Variants in TMEM184B observed in about 807,000 individuals in gnomAD.
TMEM184B encodes transmembrane protein 184B.
Under a neutral mutation model 41.8 loss-of-function variants are expected in TMEM184B, and 17 were observed. The ratio of observed to expected loss-of-function variants is 0.41; its 90% CI spans 0.28 to 0.61. The LOEUF is 0.61. TMEM184B is among the 20% of genes least tolerant of loss of function. TMEM184B has a pLI of 0.34. For missense variants in TMEM184B, 393 were observed against 557.8 expected (o/e 0.70, Z 2.98); for synonymous variants, 240 against 229.5 (o/e 1.05, Z -0.41).
At chr22:38,231,720 T>C (rs538948898) in intron 3 of TMEM184B, 27 of 378,302 alleles carry the variant, frequency 7.1e-5, no homozygotes, top group Non-Finnish European at 1.2e-4. Context: ...TATTAGTTTT[T>C]CCGGGCGCAG....
chr22:38,224,668 G>C (rs1218670186), intron 8 of TMEM184B, 117 bp downstream of exon 8: 1 of 1,035,356 alleles, frequency 9.7e-7, no homozygotes, highest in African/African-American at 1.6e-5. Context: ...ATATAGAGTG[G>C]GGATCCCATG....
intron 5 of TMEM184B, among the ~76,000 whole-genome samples, chr22:38,228,462 T>C (rs1305032692): frequency 6.6e-6 from 1 of 152,166 alleles, no homozygotes; most frequent in Non-Finnish European, 1.5e-5. Context: ...AATCATCACC[T>C]GACCATACCC....
chr22:38,255,046 C>T (rs1035095247), intron 1 of TMEM184B, among the ~76,000 whole-genome samples: 3 of 151,546 alleles, frequency 2.0e-5, no homozygotes, highest in Non-Finnish European at 2.9e-5. Context: ...TTTTTTGAGA[C>T]GGAGTCTCAC....
At chr22:38,270,531 A>T (rs1469649524) in intron 1 of TMEM184B, among the ~76,000 whole-genome samples, 1 of 152,160 alleles carries the variant, frequency 6.6e-6, no homozygotes, top group Non-Finnish European at 1.5e-5. Flanking sequence ...TATTTGTTAC[A>T]CATTGGGCTC....
chr22:38,221,754 G>A (rs369667031), intron 8 of TMEM184B, 44 bp from the exon 9 acceptor site: 236 of 1,601,396 alleles, frequency 1.5e-4, no homozygotes, highest in Middle Eastern at 1.9e-4. Flanking sequence ...AGGCTGGGAC[G>A]GTGAGAGGGA....
At chr22:38,238,555 C>G (rs1386108106) in intron 3 of TMEM184B, among the ~76,000 whole-genome samples, 1 of 152,238 alleles carries the variant, frequency 6.6e-6, no homozygotes, top group African/African-American at 2.4e-5. Context: ...TTGGCTCTAT[C>G]TGCAAGAGCC....
rs573429469 is a variant in TMEM184B, at chr22:38,226,769, C to G, written c.617+10G>C. The G allele has an allele frequency of 3.1e-6, 5 of 1,589,092 alleles. No homozygotes were observed. The South Asian group carries it at 5.7e-5, about 18-fold the overall frequency. Reference sequence around the variant, plus strand: ...CCTCCCACACACCCCGGGGAGCACCCGCTGCTTACTCAAAGTCCCCATCCC... The same window carrying G: ...CCTCCCACACACCCCGGGGAGCACCGGCTGCTTACTCAAAGTCCCCATCCC... On this transcript the variant is annotated intron_variant, in intron 6 of 8. Coordinates refer to ENST00000361906, the MANE Select transcript of TMEM184B (RefSeq NM_012264.5). The surrounding 1 kb of genome is among the most constrained non-coding windows in gnomAD (Gnocchi z 4.6).
Position 38,226,723 on chromosome 22 carries a change from G to A in TMEM184B, c.617+56C>T, listed in dbSNP as rs1445528563. On this transcript the variant is annotated intron_variant, in intron 6 of 8. Transcript: ENST00000361906. This position sits in a 1 kb window ranked among gnomAD's most constrained non-coding sequence, Gnocchi z 4.6. ...TGGCTGCCCCCTTCCCTGAGCCAAG[G>A]CACCAGCCTGCGCCAACACTCCTCC... The A allele has an allele frequency of 6.6e-7, 1 of 1,523,888 alleles. No individual in the cohort carries two copies. The allele number at this position is 1,523,888 out of a possible 1,614,324, so 94.4% of individuals were successfully genotyped here. A position where few individuals can be genotyped will look rare whatever the true frequency, so the allele number is the denominator to read the frequency against.
At chr22:38,229,242 G>A (rs2091540390) in intron 5 of TMEM184B, among the ~76,000 whole-genome samples, 1 of 152,244 alleles carries the variant, frequency 6.6e-6, no homozygotes, top group African/African-American at 2.4e-5. Context: ...ACATGACAGA[G>A]CCCCTACGGA....
chr22:38,272,521 C>T (rs895516895), intron 1 of TMEM184B: 2 of 985,714 alleles, frequency 2.0e-6, no homozygotes, highest in Non-Finnish European at 2.4e-6. Flanking sequence ...GTCGCCAGCA[C>T]ACCCACCCGG....
At chr22:38,217,075 C>T (rs2091157478), downstream of TMEM184B, among the ~76,000 whole-genome samples, 3 of 152,196 alleles carry the variant, frequency 2.0e-5, no homozygotes, top group African/African-American at 7.2e-5. Context: ...ACCTGTAATC[C>T]CAGCACTTTG....
At chr22:38,230,271 G>C (rs1254310854) in intron 5 of TMEM184B, among the ~76,000 whole-genome samples, 1 of 152,240 alleles carries the variant, frequency 6.6e-6, no homozygotes, top group Admixed American at 6.5e-5. Context: ...AGGGAGAGAC[G>C]AAGAGACGGC....
At position 38,221,625 on chromosome 22, in the gene TMEM184B, G is replaced by T. The variant is rs1443796985; in HGVS notation, c.1068C>A (p.Asn356Lys). 6.2e-7 allele frequency: 1 copy of T among 1,614,042 alleles called. No individual in the cohort carries two copies. Among genetic ancestry groups the T allele is most frequent in the South Asian group, 1.1e-5 (1 of 91,090 alleles). The change falls in exon 9 of 9, where the codon AAC (asparagine) becomes AAA (lysine). Residue 356 changes from asparagine (N) to lysine (K), a missense_variant. Physicochemically the swap from Asn to Lys is moderately conservative, Grantham distance 94. Around this residue, in one of 2 missense-constraint regions of TMEM184B, gnomAD observed 271 missense variants for 434.1 expected, o/e 0.62. Coordinates refer to ENST00000361906, the MANE Select transcript of TMEM184B (RefSeq NM_012264.5). ...PHDIVQDAIH[N>K]FSPAYQQYTQ... ...TGTACTGCTGGTAGGCAGGTGAGAA[G>T]TTGTGGATGGCGTCCTGCACGATGT...
Position 38,234,061 on chromosome 22 carries a change from G to A in TMEM184B, c.359-2727C>T, listed in dbSNP as rs371149079. On this transcript the variant is annotated intron_variant, in intron 3 of 8. Transcript: ENST00000361906. ...TGAGATGACAGGCGTGAGCCACCGCGCCCGGCCGACGGTTGCATTTTCTAG... is the reference window on the plus strand; with the variant it reads ...TGAGATGACAGGCGTGAGCCACCGCACCCGGCCGACGGTTGCATTTTCTAG... Among the ~76,000 whole-genome samples, 45 of 131,792 alleles carry A rather than the reference G, an allele frequency of 3.4e-4. No homozygotes were observed. The East Asian group carries it at 6.6e-3, about 19-fold the overall frequency. 86.5% of individuals were successfully genotyped at this position (131,792 alleles called of 152,430 possible). A position where few individuals can be genotyped will look rare whatever the true frequency, so the allele number is the denominator to read the frequency against.
In TMEM184B at chr22:38,220,715, G is replaced by A. The variant is rs550922945; in HGVS notation, c.*754C>T. ...TATCGAGGAAGGACCCAAGTGAGCCGGCAGTGCGGGCTGTGGGCTGTCCTT... is the reference window on the plus strand; with the variant it reads ...TATCGAGGAAGGACCCAAGTGAGCCAGCAGTGCGGGCTGTGGGCTGTCCTT... On this transcript the variant is annotated 3_prime_UTR_variant, in exon 9 of 9. Coordinates refer to ENST00000361906, the MANE Select transcript of TMEM184B (RefSeq NM_012264.5). The A allele has an allele frequency of 1.0e-5, 10 of 986,310 alleles. No individual in the cohort carries two copies. The South Asian group carries it at 1.4e-4, about 14-fold the overall frequency. 61.1% of individuals were successfully genotyped at this position (986,310 alleles called of 1,614,324 possible). A position where few individuals can be genotyped will look rare whatever the true frequency, so the allele number is the denominator to read the frequency against.
At chr22:38,227,003 T>G in intron 5 of TMEM184B, 133 bp from the exon 6 acceptor site, 2 of 824,624 alleles carry the variant, frequency 2.4e-6, no homozygotes, top group South Asian at 1.7e-5. Context: ...GACGGAGGGA[T>G]GGAGGGACGG....
chr22:38,254,205 A>T (rs1006283662), intron 1 of TMEM184B, among the ~76,000 whole-genome samples: 1 of 66,660 alleles, frequency 1.5e-5, no homozygotes, highest in Non-Finnish European at 3.2e-5. Flanking sequence ...TCTTGTCTCC[A>T]AAAAAAAAAA....
At chr22:38,255,890 T>C (rs992369970) in intron 1 of TMEM184B, among the ~76,000 whole-genome samples, 1 of 151,978 alleles carries the variant, frequency 6.6e-6, no homozygotes, top group Non-Finnish European at 1.5e-5. Context: ...TGGGTGGGGG[T>C]GTGTAATTTT....
At chr22:38,217,745 C>T (rs536056083), downstream of TMEM184B, among the ~76,000 whole-genome samples, 1 of 145,578 alleles carries the variant, frequency 6.9e-6, no homozygotes, top group South Asian at 2.2e-4. Flanking sequence ...AAGAGAGAAT[C>T]GCTTAAACCC....
Sources: gnomAD v4.1 joint callset for allele counts (sites outside exome capture counted in the v4.1 genomes callset) on GRCh38, gnomAD v4.1.1 for gene constraint, gnomAD v4.1.1 regional missense constraint, Gnocchi (gnomAD v3.1) non-coding constraint, MANE v1.5 for transcripts, NCBI Gene and HGNC (gene_info 2026-07-23, HGNC 2026-07-21) for gene names.